Variants in PRDM1 observed in about 807,000 individuals in gnomAD.
PRDM1 encodes PR domain zinc finger protein 1.
PRDM1 carries 13 observed loss-of-function variants against 62.8 expected under a neutral mutation model. The ratio of observed to expected loss-of-function variants is 0.21; its 90% CI spans 0.13 to 0.33. The LOEUF is 0.33. Among genes scored for constraint, PRDM1 ranks in the 10% least tolerant of loss-of-function variants. The pLI, the probability that PRDM1 is intolerant of heterozygous loss-of-function variation, is 1.00. For synonymous variants in PRDM1, 396 were observed against 417.6 expected (o/e 0.95, Z 0.63); for missense variants, 895 against 1,058.8 (o/e 0.85, Z 2.15).
chr6:106,006,226 T>C (rs1023445658), intron 1 of PRDM1, among the ~76,000 whole-genome samples: 44 of 152,236 alleles, frequency 2.9e-4, no homozygotes, highest in Non-Finnish European at 5.7e-4. Flanking sequence ...CCAAGACTGA[T>C]GGATGACTTC....
At chr6:106,051,664 G>A (rs1263450714) in intron 1 of PRDM1, among the ~76,000 whole-genome samples, 1 of 152,210 alleles carries the variant, frequency 6.6e-6, no homozygotes, top group African/African-American at 2.4e-5. Context: ...GAGGGGCAAA[G>A]AGTAGGCCAC....
chr6:106,051,811 G>A (rs1773179156), intron 1 of PRDM1, among the ~76,000 whole-genome samples: 1 of 152,108 alleles, frequency 6.6e-6, no homozygotes, highest in Non-Finnish European at 1.5e-5. Flanking sequence ...TTTGGGGAAT[G>A]GTGTTGCCTG....
intron 2 of PRDM1, among the ~76,000 whole-genome samples, chr6:106,095,414 T>G (rs1378468399): frequency 2.0e-5 from 3 of 152,224 alleles, no homozygotes; most frequent in Admixed American, 2.0e-4. Context: ...GAGTATTTGC[T>G]TATGATCTCA....
At chr6:106,064,770 TGGG>T (rs1773405922) in intron 1 of PRDM1, among the ~76,000 whole-genome samples, 1 of 152,160 alleles carries the variant, frequency 6.6e-6, no homozygotes, top group South Asian at 2.1e-4. Flanking sequence ...GGAGACTTTC[TGGG>T]GATAGGGTGG....
chr6:106,052,337 T>C (rs1773189975), intron 1 of PRDM1, among the ~76,000 whole-genome samples: 1 of 152,198 alleles, frequency 6.6e-6, no homozygotes, highest in Admixed American at 6.5e-5. Context: ...AGACTGAATA[T>C]TTTGGCAAGA....
In PRDM1 at chr6:106,107,172, G is replaced by A. The variant is rs2114664044; in HGVS notation, c.2164G>A (p.Asp722Asn). 6.2e-7 allele frequency: 1 copy of A among 1,614,228 alleles called. No homozygotes were observed. Among genetic ancestry groups the A allele is most frequent in the East Asian group, 2.2e-5 (1 of 44,886 alleles). Residue 722 changes from aspartate to asparagine, a missense_variant, in exon 7 of 7, where the codon GAT (aspartate) becomes AAT (asparagine). By Grantham distance (23) the Asp-to-Asn change is conservative (BLOSUM62 1). Transcript: ENST00000369096. The stretch of plus-strand genomic sequence containing the variant: ...CCCGGCGCCTGGGCTGCCCTTGGAA[G>A]ATCTGACCCGAATCAATGAAGAAAT... ...AAPAPGLPLE[D>N]LTRINEEIEK...
intron 1 of PRDM1, among the ~76,000 whole-genome samples, chr6:106,053,924 T>G (rs1047121736): frequency 2.6e-5 from 4 of 151,932 alleles, no homozygotes; most frequent in Non-Finnish European, 5.9e-5. Flanking sequence ...TGAGATCTTT[T>G]GAATGAGTGT....
chr6:106,061,645 T>C (rs1359030385), intron 1 of PRDM1, among the ~76,000 whole-genome samples: 1 of 152,238 alleles, frequency 6.6e-6, no homozygotes, highest in African/African-American at 2.4e-5. Context: ...TACTGTAGTG[T>C]AAGGACATGT....
At chr6:106,041,698 A>C (rs751179212) in intron 1 of PRDM1, among the ~76,000 whole-genome samples, 8 of 152,200 alleles carry the variant, frequency 5.3e-5, no homozygotes, top group Non-Finnish European at 8.8e-5. Context: ...TGACCGTATA[A>C]TAATTTTTTA....
At chr6:106,099,808 T>C in intron 4 of PRDM1, 3 of 485,116 alleles carry the variant, frequency 6.2e-6, no homozygotes, top group Middle Eastern at 1.1e-3. Flanking sequence ...GGAAGAAATA[T>C]ATGTCCAATT....
At chr6:106,048,201 A>G (rs1191997192), upstream of PRDM1, among the ~76,000 whole-genome samples, 3 of 143,834 alleles carry the variant, frequency 2.1e-5, no homozygotes, top group Non-Finnish European at 4.5e-5. Context: ...CAACGTAGGG[A>G]GACCCCATCT....
chr6:106,101,068 C>G (rs1774255837), intron 4 of PRDM1, among the ~76,000 whole-genome samples: 1 of 152,108 alleles, frequency 6.6e-6, no homozygotes, highest in African/African-American at 2.4e-5. Flanking sequence ...AATGCACAGG[C>G]ACAGTGGCAT....
intron 1 of PRDM1, among the ~76,000 whole-genome samples, chr6:105,997,330 G>C (rs1487525098): frequency 6.6e-6 from 1 of 151,974 alleles, no homozygotes; most frequent in Non-Finnish European, 1.5e-5. Context: ...TTGTTCTAGA[G>C]CTTCTTCGTG....
intron 1 of PRDM1, among the ~76,000 whole-genome samples, chr6:106,068,363 A>G (rs1022356184): frequency 6.6e-6 from 1 of 152,126 alleles, no homozygotes; most frequent in Admixed American, 6.5e-5. Flanking sequence ...AAGTGCTGGG[A>G]TTACAGGTAT....
intron 4 of PRDM1, among the ~76,000 whole-genome samples, chr6:106,104,476 G>A (rs1405604911): frequency 1.3e-5 from 2 of 152,188 alleles, no homozygotes; most frequent in Non-Finnish European, 2.9e-5. Context: ...CTCCCAAAGT[G>A]CTGGGATTAC....
intron 2 of PRDM1, among the ~76,000 whole-genome samples, chr6:106,094,665 G>A (rs1258300145): frequency 2.0e-5 from 3 of 152,162 alleles, no homozygotes; most frequent in Non-Finnish European, 4.4e-5. Context: ...CACTTTGGGA[G>A]GCCGAGGTGG....
chr6:106,028,553 T>A (rs1450277620), intron 1 of PRDM1, among the ~76,000 whole-genome samples: 1 of 152,214 alleles, frequency 6.6e-6, no homozygotes, highest in Non-Finnish European at 1.5e-5. Flanking sequence ...GAAAATGTGT[T>A]CACACCATAT....
intron 1 of PRDM1, among the ~76,000 whole-genome samples, chr6:106,077,318 G>A (rs1169557269): frequency 1.3e-5 from 2 of 152,186 alleles, no homozygotes; most frequent in Admixed American, 6.5e-5. Context: ...TTCAGATACC[G>A]ATGATTATGT....
intron 2 of PRDM1, among the ~76,000 whole-genome samples, chr6:106,090,221 T>C (rs1390030653): frequency 1.3e-5 from 2 of 152,216 alleles, no homozygotes; most frequent in Non-Finnish European, 2.9e-5. Context: ...CATCTTAATA[T>C]ATTTCAGACC....
Sources: allele counts gnomAD v4.1 joint callset (sites outside exome capture counted in the v4.1 genomes callset), GRCh38; gene constraint gnomAD v4.1.1; transcripts MANE v1.5; gene names NCBI Gene and HGNC (gene_info 2026-07-23, HGNC 2026-07-21).